The following DNAH1 variants were observed in gnomAD, a reference collection of about 807,000 sequenced individuals.
DNAH1 encodes axonemal beta dynein heavy chain 1.
In DNAH1, 327 loss-of-function variants were observed where a neutral mutation model predicts 484.3. That is an observed-to-expected ratio of 0.68 (90% CI 0.62 to 0.74). The LOEUF is 0.74. Among genes scored for constraint, DNAH1 ranks in the 30% least tolerant of loss-of-function variants. The pLI is 0.00. For synonymous variants in DNAH1, 2,192 were observed against 2,191.9 expected (o/e 1.00, Z 0.00); for missense variants, 5,052 against 5,546.8 (o/e 0.91, Z 2.83).
intron 6 of DNAH1, among the ~76,000 whole-genome samples, chr3:52,328,562 C>T (rs1375069906): frequency 6.6e-6 from 1 of 152,278 alleles, no homozygotes; most frequent in Non-Finnish European, 1.5e-5. Context: ...TCCACAACCA[C>T]TGTCACACCT....
chr3:52,387,962 T>C (rs1230052479), intron 56 of DNAH1, among the ~76,000 whole-genome samples: 1 of 152,158 alleles, frequency 6.6e-6, no homozygotes, highest in African/African-American at 2.4e-5. Flanking sequence ...TCCCTAATCA[T>C]ATGATCTAAA....
chr3:52,353,022 C>G lies in DNAH1; in HGVS notation c.3028-81C>G. 2.9e-6 allele frequency: 4 copies of G among 1,394,814 alleles called. No individual in the cohort carries two copies. Among genetic ancestry groups the G allele is most frequent in the Non-Finnish European group, 3.9e-6 (4 of 1,025,076 alleles). 86.4% of individuals were successfully genotyped at this position (1,394,814 alleles called of 1,614,324 possible). On this transcript the variant is annotated intron_variant, in intron 18 of 77. Coordinates refer to ENST00000420323, the MANE Select transcript of DNAH1 (RefSeq NM_015512.5). This position sits in a 1 kb window ranked among gnomAD's most constrained non-coding sequence, Gnocchi z 5.0. ...CCAGGAGCAAGGGAGAGGGAGAGGACCTGGCCCAAGAAGGGGCAACATGGA... is the reference window on the plus strand; with the variant it reads ...CCAGGAGCAAGGGAGAGGGAGAGGAGCTGGCCCAAGAAGGGGCAACATGGA...
chr3:52,399,580 A>T lies in DNAH1; in HGVS notation c.12477A>T (p.Arg4159Ser). The T allele has an allele frequency of 1.2e-6, 2 of 1,613,342 alleles. No homozygotes were observed. Among genetic ancestry groups the T allele is most frequent in the Non-Finnish European group, 1.7e-6 (2 of 1,179,468 alleles). Residue 4159 changes from arginine (R) to serine (S), a missense_variant, in exon 77 of 78, where the codon AGA becomes AGT. Arg to Ser is a moderately radical substitution (Grantham distance 110). This residue lies in a region of DNAH1 where 853 missense variants were observed against 899.0 expected (regional missense o/e 0.95). Transcript: ENST00000420323. ...AGGCACCATCAGAGTTAACACAAAGACCCCAAGTAGGGTGCTATATCCATG... is the reference window on the plus strand; with the variant it reads ...AGGCACCATCAGAGTTAACACAAAGTCCCCAAGTAGGGTGCTATATCCATG... Reference protein sequence around the residue: ...MFEAPSELTQRPQVGCYIHGL... With the variant: ...MFEAPSELTQSPQVGCYIHGL...
Position 52,369,904 on chromosome 3 carries a change from T to C in DNAH1, c.6023T>C (p.Leu2008Pro). ...ATVSRCGMVY[L>P]EPSILGLMPF... ...GTCTCCCGCTGTGGCATGGTGTACC[T>C]GGAGCCCAGCATCCTGGGGCTCATG... The change falls in exon 38 of 78, where the codon CTG becomes CCG. Residue 2008 changes from leucine (L) to proline (P), a missense_variant. Leu to Pro is a moderately conservative substitution (Grantham distance 98). Coordinates refer to ENST00000420323, the MANE Select transcript of DNAH1 (RefSeq NM_015512.5). The C allele has an allele frequency of 6.2e-7, 1 of 1,614,002 alleles. No individual in the cohort carries two copies. The highest frequency in any genetic ancestry group is 1.1e-5 in the South Asian group (1 of 91,088).
chr3:52,374,943 G>A (rs1041878291), intron 44 of DNAH1: 50 of 501,008 alleles, frequency 1.0e-4, no homozygotes, highest in Admixed American at 1.8e-4. Flanking sequence ...GTTTTTATAA[G>A]ATAGGACTAT....
intron 60 of DNAH1, 102 bp from the exon 61 acceptor site, chr3:52,390,833 G>C: frequency 6.6e-7 from 1 of 1,506,058 alleles, no homozygotes; most frequent in African/African-American, 1.4e-5. Context: ...AGTAAGGAGA[G>C]GGAAGTCCAT....
In DNAH1 at chr3:52,362,357, T is replaced by G. The variant is rs1293181303; in HGVS notation, c.4981-31T>G. 28 of 1,595,068 alleles carry G rather than the reference T, an allele frequency of 1.8e-5. No homozygotes were observed. Among genetic ancestry groups the G allele is most frequent in the Non-Finnish European group, 2.4e-5 (28 of 1,167,686 alleles). On this transcript the variant is annotated intron_variant, in intron 30 of 77. Transcript: ENST00000420323. This position sits in a 1 kb window ranked among gnomAD's most constrained non-coding sequence, Gnocchi z 5.1. Reference sequence around the variant, plus strand: ...GAGGGGACAAGGCTGGGCACCCTAGTCCCAGGCAAGTCAGCCTCTCCCCAC... The same window carrying G: ...GAGGGGACAAGGCTGGGCACCCTAGGCCCAGGCAAGTCAGCCTCTCCCCAC...
Position 52,350,500 on chromosome 3 carries a change from C to T in DNAH1, c.2647-8C>T. Reference sequence around the variant, plus strand: ...ACGTGAAGTTCTCATTACCACCTGTCTGTGCAGGAGCGGATTGTGAAGGTC... The same window carrying T: ...ACGTGAAGTTCTCATTACCACCTGTTTGTGCAGGAGCGGATTGTGAAGGTC... On this transcript the variant is annotated splice_region_variant and splice_polypyrimidine_tract_variant and intron_variant, in intron 15 of 77. Transcript: ENST00000420323. The T allele has an allele frequency of 6.2e-7, 1 of 1,613,604 alleles. No homozygotes were observed. The highest frequency in any genetic ancestry group is 1.7e-5 in the Admixed American group (1 of 59,980).
chr3:52,357,527 G>C, intron 22 of DNAH1, 87 bp from the exon 23 acceptor site: 1 of 1,511,936 alleles, frequency 6.6e-7, no homozygotes, highest in Non-Finnish European at 8.9e-7. Context: ...GAGGGGCTCT[G>C]GCTGGTGTGG....
At position 52,356,680 on chromosome 3, in the gene DNAH1, G is replaced by A. The variant is rs1475548726; in HGVS notation, c.3760G>A (p.Glu1254Lys). 1 of 1,613,888 alleles carries A rather than the reference G, an allele frequency of 6.2e-7. No homozygotes were observed. Among genetic ancestry groups the A allele is most frequent in the Non-Finnish European group, 8.5e-7 (1 of 1,179,882 alleles). Reference sequence around the variant, plus strand: ...CTACCTGGAGCCCATCTTTAGCTCTGAGGACATCAACCAGCAGCTGCCTGT... The same window carrying A: ...CTACCTGGAGCCCATCTTTAGCTCTAAGGACATCAACCAGCAGCTGCCTGT... ...WLYLEPIFSS[E>K]DINQQLPVES... is the part of the protein sequence containing the mutation. Residue 1254 changes from glutamate (E) to lysine (K), a missense_variant, in exon 22 of 78, where the codon GAG (glutamate) becomes AAG (lysine). Glu to Lys is a moderately conservative substitution (Grantham distance 56). Around this residue, in one of 4 missense-constraint regions of DNAH1, gnomAD observed 2,929 missense variants for 3,409.4 expected, o/e 0.86. Coordinates refer to ENST00000420323, the MANE Select transcript of DNAH1 (RefSeq NM_015512.5).
At chr3:52,375,165 G>A in intron 44 of DNAH1, 75 bp from the exon 45 acceptor site, 1 of 1,468,022 alleles carries the variant, frequency 6.8e-7, no homozygotes, top group Non-Finnish European at 9.2e-7. Flanking sequence ...TTGAATTTTT[G>A]TATGGAGAAG....
In DNAH1 at chr3:52,381,715, A is replaced by C; in HGVS notation, c.7684A>C (p.Met2562Leu). Residue 2562 changes from methionine (M) to leucine (L), a missense_variant, in exon 49 of 78, where the codon ATG becomes CTG. Met to Leu is a conservative substitution (Grantham distance 15). Coordinates refer to ENST00000420323, the MANE Select transcript of DNAH1 (RefSeq NM_015512.5). This position sits in a 1 kb window ranked among gnomAD's most constrained non-coding sequence, Gnocchi z 4.1. Reference protein sequence around the residue: ...NTAKLKLVLFMDAMSHICRIS... With the variant: ...NTAKLKLVLFLDAMSHICRIS... Reference sequence around the variant, plus strand: ...GGCCAAGCTGAAGCTGGTCCTCTTCATGGACGCCATGAGCCACATCTGTCG... The same window carrying C: ...GGCCAAGCTGAAGCTGGTCCTCTTCCTGGACGCCATGAGCCACATCTGTCG... 1 of 1,606,434 alleles carries C rather than the reference A, an allele frequency of 6.2e-7. No individual in the cohort carries two copies. Among genetic ancestry groups the C allele is most frequent in the South Asian group, 1.1e-5 (1 of 89,276 alleles).
rs1165387093 is a variant in DNAH1 at position 52,391,319 on chromosome 3, G to A, written c.9882G>A (p.Leu3294=). 5.0e-6 allele frequency: 8 copies of A among 1,609,094 alleles called. No homozygotes were observed. Among genetic ancestry groups the A allele is most frequent in the Non-Finnish European group, 5.9e-6 (7 of 1,177,778 alleles). Residue 3294 remains leucine, a synonymous_variant, in exon 62 of 78, where the codon CTG becomes CTA. Coordinates refer to ENST00000420323, the MANE Select transcript of DNAH1 (RefSeq NM_015512.5). ...EELDPALEPV[L]LKQTYKQQGN... Reference sequence around the variant, plus strand: ...TAGACCCAGCCCTGGAGCCAGTGCTGCTCAAGCAGGTGGGTCTGCAGTGGT... The same window carrying A: ...TAGACCCAGCCCTGGAGCCAGTGCTACTCAAGCAGGTGGGTCTGCAGTGGT...
intron 50 of DNAH1, among the ~76,000 whole-genome samples, chr3:52,383,085 A>G (rs1703928062): frequency 6.6e-6 from 1 of 152,244 alleles, no homozygotes; most frequent in Non-Finnish European, 1.5e-5. Context: ...GCCCGTGGCC[A>G]TGGTTTCCTC....
chr3:52,332,516 G>C lies in DNAH1; in HGVS notation c.1286+122G>C, dbSNP rs1166792108. Reference sequence around the variant, plus strand: ...GGGCTCATCTGTTTGAGACTGTCCTGGCTATTGCCCTCTGGACTTGTTGGG... The same window carrying C: ...GGGCTCATCTGTTTGAGACTGTCCTCGCTATTGCCCTCTGGACTTGTTGGG... On this transcript the variant is annotated intron_variant, in intron 8 of 77. Transcript: ENST00000420323. 2.1e-6 allele frequency: 3 copies of C among 1,419,642 alleles called. No individual in the cohort carries two copies. The African/African-American group carries it at 4.3e-5, about 20-fold the overall frequency. 87.9% of individuals were successfully genotyped at this position (1,419,642 alleles called of 1,614,324 possible). A position where few individuals can be genotyped will look rare whatever the true frequency, so the allele number is the denominator to read the frequency against.
Position 52,364,853 on chromosome 3 carries a change from C to CATCCGTGATGTGAACGTGCCCAAG in DNAH1, c.5353_5376dup (p.Ile1785_Lys1792dup). On this transcript the variant is annotated inframe_insertion, in exon 34 of 78. Coordinates refer to ENST00000420323, the MANE Select transcript of DNAH1 (RefSeq NM_015512.5). The surrounding 1 kb of genome is among the most constrained non-coding windows in gnomAD (Gnocchi z 4.2). The stretch of plus-strand genomic sequence containing the variant: ...TGCAGGAGCTGATCTGCCTCCGGGC[C>CATCCGTGATGTGAACGTGCCCAAG]ATCCGTGATGTGAACGTGCCCAAGT... 1.2e-6 allele frequency: 2 copies of CATCCGTGATGTGAACGTGCCCAAG among 1,613,806 alleles called. No homozygotes were observed. Among genetic ancestry groups the CATCCGTGATGTGAACGTGCCCAAG allele is most frequent in the Non-Finnish European group, 1.7e-6 (2 of 1,179,764 alleles).
chr3:52,374,744 T>C, intron 44 of DNAH1: 2 of 1,221,298 alleles, frequency 1.6e-6, no homozygotes, highest in South Asian at 1.2e-5. Context: ...ACGCCCTGAA[T>C]CTGTTCATAG....
At chr3:52,373,607 T>C in intron 44 of DNAH1, 1 of 1,454,842 alleles carries the variant, frequency 6.9e-7, no homozygotes, top group Non-Finnish European at 9.7e-7. Context: ...CTTCAAGGTT[T>C]AGCGCAAGCA....
rs140378033 is a variant in DNAH1 at position 52,395,995 on chromosome 3, G to C, written c.11259+317G>C. Among the ~76,000 whole-genome samples, 1 of 150,378 alleles carries C rather than the reference G, an allele frequency of 6.6e-6. No individual in the cohort carries two copies. The highest frequency in any genetic ancestry group is 1.5e-5 in the Non-Finnish European group (1 of 67,774). On this transcript the variant is annotated intron_variant, in intron 70 of 77. Transcript: ENST00000420323. The surrounding 1 kb of genome is among the most constrained non-coding windows in gnomAD (Gnocchi z 4.4). The stretch of plus-strand genomic sequence containing the variant: ...ACTCTGTCACCGGGGCTGGGGTGCA[G>C]TGGTGCAATCTCGGTTCACTGCAAC...
Sources: allele counts gnomAD v4.1 joint callset (sites outside exome capture counted in the v4.1 genomes callset), GRCh38; gene constraint gnomAD v4.1.1; regional missense constraint gnomAD v4.1.1; non-coding constraint Gnocchi (gnomAD v3.1); transcripts MANE v1.5; gene names NCBI Gene and HGNC (gene_info 2026-07-23, HGNC 2026-07-21).